The following TMEM237 variants were observed in gnomAD, a reference collection of about 807,000 sequenced individuals.
TMEM237 encodes amyotrophic lateral sclerosis 2 (juvenile) chromosome region, candidate 4.
Under a neutral mutation model 59.1 loss-of-function variants are expected in TMEM237, and 51 were observed. The observed-to-expected ratio is 0.86, with a 90% CI of 0.69 to 1.09. The LOEUF (loss-of-function observed/expected upper bound fraction) is 1.09. Ranked by LOEUF, TMEM237 falls within the 50% of genes least tolerant of loss-of-function variation. TMEM237 has a pLI of 0.00. For synonymous variants in TMEM237, 140 were observed against 166.1 expected (o/e 0.84, Z 1.21); for missense variants, 475 against 478.3 (o/e 0.99, Z 0.06).
chr2:201,630,033 A>C (rs139210405), intron 7 of TMEM237, among the ~76,000 whole-genome samples, 181 bp from the exon 8 acceptor site: 233 of 152,228 alleles, frequency 1.5e-3, no homozygotes, highest in African/African-American at 5.4e-3. Context: ...TTCCTTAAAC[A>C]TAATTTTTCA....
At chr2:201,627,092 A>C (rs1057454144) in intron 11 of TMEM237, among the ~76,000 whole-genome samples, 10 of 152,158 alleles carry the variant, frequency 6.6e-5, no homozygotes, top group Non-Finnish European at 1.0e-4. Context: ...AAAAAAAAAA[A>C]ACTATAACTT....
chr2:201,641,031 GC>G, intron 1 of TMEM237, 107 bp from the exon 2 acceptor site: 1 of 973,350 alleles, frequency 1.0e-6, no homozygotes, highest in Non-Finnish European at 1.5e-6. Flanking sequence ...TTGCTGTGTG[GC>G]CCAGGCTGGA....
At chr2:201,639,391 T>G (rs1301934948) in intron 3 of TMEM237, among the ~76,000 whole-genome samples, 1 of 152,246 alleles carries the variant, frequency 6.6e-6, no homozygotes, top group Non-Finnish European at 1.5e-5. Context: ...CTGTGTCATT[T>G]CAGAGCCAAA....
intron 5 of TMEM237, 103 bp from the exon 6 acceptor site, chr2:201,633,534 G>A: frequency 7.8e-6 from 7 of 902,090 alleles, no homozygotes; most frequent in Admixed American, 4.2e-5. Flanking sequence ...ATTTTAATTG[G>A]GCAAAAATGT....
At chr2:201,642,728 C>T (rs1055382508) in intron 1 of TMEM237, 8 of 1,528,478 alleles carry the variant, frequency 5.2e-6, no homozygotes, top group Non-Finnish European at 6.1e-6. Context: ...CATCGGGCCG[C>T]GCCGCCTGGC....
In TMEM237 at chr2:201,638,728, C is replaced by T. The variant is rs78697231; in HGVS notation, c.136+261G>A. 8.1e-3 allele frequency: 4,019 copies of T among 493,718 alleles called. 31 individuals are homozygous for T. Among genetic ancestry groups the T allele is most frequent in the Non-Finnish European group, 0.011 (3,218 of 279,886 alleles). The allele number at this position is 493,718 out of a possible 1,614,324, so 30.6% of individuals were successfully genotyped here. A position where few individuals can be genotyped will look rare whatever the true frequency, so the allele number is the denominator to read the frequency against. On this transcript the variant is annotated intron_variant, in intron 4 of 12. Coordinates refer to ENST00000409883, the MANE Select transcript of TMEM237 (RefSeq NM_001044385.3). ...CTGGGGATAAAAGACCTTAAAGAGTCCAGGAATATCATGGAAATAGGAGCT... is the reference window on the plus strand; with the variant it reads ...CTGGGGATAAAAGACCTTAAAGAGTTCAGGAATATCATGGAAATAGGAGCT...
intron 6 of TMEM237, among the ~76,000 whole-genome samples, chr2:201,633,059 C>T (rs1273616219): frequency 6.6e-6 from 1 of 151,344 alleles, no homozygotes; most frequent in African/African-American, 2.4e-5. Context: ...TATTTGTGTT[C>T]TTCTTTTTTA....
At position 201,643,490 on chromosome 2, in the gene TMEM237, C is replaced by T. The variant is rs1269200824; in HGVS notation, c.-90G>A. Reference sequence around the variant, plus strand: ...GCAGCGGCCTCCGGGACCTGTGGGACGCCGGGGCTTCGTGGCGCCTGGCGA... The same window carrying T: ...GCAGCGGCCTCCGGGACCTGTGGGATGCCGGGGCTTCGTGGCGCCTGGCGA... On this transcript the variant is annotated 5_prime_UTR_variant, in exon 1 of 13. Transcript: ENST00000409883. This position sits in a 1 kb window ranked among gnomAD's most constrained non-coding sequence, Gnocchi z 4.3. 2 of 1,182,472 alleles carry T rather than the reference C, an allele frequency of 1.7e-6. No homozygotes were observed. Among genetic ancestry groups the T allele is most frequent in the Non-Finnish European group, 1.1e-6 (1 of 913,342 alleles). 73.2% of individuals were successfully genotyped at this position (1,182,472 alleles called of 1,614,324 possible).
At chr2:201,636,981 T>C (rs1687308163) in intron 4 of TMEM237, 96 bp from the exon 5 acceptor site, 5 of 1,245,746 alleles carry the variant, frequency 4.0e-6, no homozygotes, top group Non-Finnish European at 3.3e-6. Flanking sequence ...ATGTTTCCTA[T>C]AGAATAACCC....
At position 201,622,284 on chromosome 2, in the gene TMEM237, TCAC is replaced by T. The variant is rs1474662567; in HGVS notation, c.*1968_*1970del. ...AGCTTTCTATTGCTGCCATAAGCAA[TCAC>T]CACCAATTTAGCAGCTTAGTCAACA... is the stretch of plus-strand genomic sequence containing the variant. On this transcript the variant is annotated 3_prime_UTR_variant, in exon 13 of 13. Transcript: ENST00000409883. 1 of 152,258 alleles carries T rather than the reference TCAC, an allele frequency of 6.6e-6. No individual in the cohort carries two copies. 9.4% of individuals were successfully genotyped at this position (152,258 alleles called of 1,614,324 possible). A position where few individuals can be genotyped will look rare whatever the true frequency, so the allele number is the denominator to read the frequency against.
In TMEM237 at chr2:201,622,357, G is replaced by C. The variant is rs1219990852; in HGVS notation, c.*1898C>G. ...TTCTGTATGTCAAAAGTATGACATG[G>C]GCAGCACCAGGCCAAAACCAAGGTA... On this transcript the variant is annotated 3_prime_UTR_variant, in exon 13 of 13. Coordinates refer to ENST00000409883, the MANE Select transcript of TMEM237 (RefSeq NM_001044385.3). The C allele has an allele frequency of 6.6e-6, 1 of 152,182 alleles. No homozygotes were observed. Among genetic ancestry groups the C allele is most frequent in the Non-Finnish European group, 1.5e-5 (1 of 68,046 alleles). 9.4% of individuals were successfully genotyped at this position (152,182 alleles called of 1,614,324 possible).
intron 12 of TMEM237, among the ~76,000 whole-genome samples, chr2:201,625,133 C>T (rs6435091): frequency 0.42 from 63,134 of 151,898 alleles, 13,586 homozygotes; most frequent in Non-Finnish European, 0.48. Flanking sequence ...GAGGCCGAGG[C>T]GGGCGGATCA....
At position 201,621,637 on chromosome 2, in the gene TMEM237, GAC is replaced by G. The variant is rs1957709125; in HGVS notation, c.*2616_*2617del. On this transcript the variant is annotated 3_prime_UTR_variant, in exon 13 of 13. Transcript: ENST00000409883. ...ATTCAATTTATAACATTATTGAAAT[GAC>G]AGAGTTTTAGAAACTGAGCTCTTTG... 1 of 152,622 alleles carries G rather than the reference GAC, an allele frequency of 6.6e-6. No homozygotes were observed. Among genetic ancestry groups the G allele is most frequent in the South Asian group, 2.1e-4 (1 of 4,828 alleles). The allele number at this position is 152,622 out of a possible 1,614,324, so 9.5% of individuals were successfully genotyped here. A position where few individuals can be genotyped will look rare whatever the true frequency, so the allele number is the denominator to read the frequency against.
At chr2:201,638,856 G>T in intron 4 of TMEM237, 133 bp downstream of exon 4, 1 of 863,348 alleles carries the variant, frequency 1.2e-6, no homozygotes, top group Non-Finnish European at 1.8e-6. Context: ...CTTCAAACTG[G>T]CCTTAATTCT....
At position 201,639,165 on chromosome 2, in the gene TMEM237, G is replaced by C. The variant is rs534801341; in HGVS notation, c.80-120C>G. The C allele has an allele frequency of 8.8e-5, 80 of 909,574 alleles. No individual in the cohort carries two copies. The African/African-American group carries it at 1.2e-3, about 13-fold the overall frequency. 56.3% of individuals were successfully genotyped at this position (909,574 alleles called of 1,614,324 possible). ...CCTCTCTTCCCTGGGCCTGGCAAACGTTTATAGATTAGGGGAAGAAGGCAA... is the reference window on the plus strand; with the variant it reads ...CCTCTCTTCCCTGGGCCTGGCAAACCTTTATAGATTAGGGGAAGAAGGCAA... On this transcript the variant is annotated intron_variant, in intron 3 of 12. Coordinates refer to ENST00000409883, the MANE Select transcript of TMEM237 (RefSeq NM_001044385.3).
intron 1 of TMEM237, among the ~76,000 whole-genome samples, chr2:201,642,293 T>C (rs966517851): frequency 6.6e-6 from 1 of 152,210 alleles, no homozygotes; most frequent in African/African-American, 2.4e-5. Flanking sequence ...GTTTGTCCCA[T>C]TTAGCAATCC....
Position 201,643,274 on chromosome 2 carries a change from G to GGCCCCCCCCCCCCCCC in TMEM237, c.42+84_42+85insGGGGGGGGGGGGGGGC. 5 of 1,206,730 alleles carry GGCCCCCCCCCCCCCCC rather than the reference G, an allele frequency of 4.1e-6. No homozygotes were observed. The highest frequency in any genetic ancestry group is 5.9e-6 in the Non-Finnish European group (5 of 849,296). The allele number at this position is 1,206,730 out of a possible 1,614,324, so 74.8% of individuals were successfully genotyped here. A position where few individuals can be genotyped will look rare whatever the true frequency, so the allele number is the denominator to read the frequency against. On this transcript the variant is annotated intron_variant, in intron 1 of 12. Coordinates refer to ENST00000409883, the MANE Select transcript of TMEM237 (RefSeq NM_001044385.3). The surrounding 1 kb of genome is among the most constrained non-coding windows in gnomAD (Gnocchi z 4.3). ...CCTTAGTGATTCCCAGCTCGTTGGC[G>GGCCCCCCCCCCCCCCC]CCCCCCCACACACACCCACCCCCAC...
At position 201,632,091 on chromosome 2, in the gene TMEM237, G is replaced by A. The variant is rs2105900225; in HGVS notation, c.513C>T (p.Gly171=). ...ATACTTTGCCTACAGGCTGGCTAAT[G>A]CCAGTGGGTGCAGTGAATACAGACT... ...EQQSVFTAPT[G]ISQPVGKVFV... Residue 171 remains glycine, a synonymous_variant, in exon 7 of 13, where the codon GGC becomes GGT. Transcript: ENST00000409883. 1 of 1,613,874 alleles carries A rather than the reference G, an allele frequency of 6.2e-7. No homozygotes were observed. Among genetic ancestry groups the A allele is most frequent in the Non-Finnish European group, 8.5e-7 (1 of 1,179,826 alleles).
chr2:201,629,368 A>C lies in TMEM237; in HGVS notation c.731T>G (p.Ile244Ser). ...GFLAGCAVWN[I>S]VVIYVLAGDQ... ...TCCTGCTAGAACATATATCACAACA[A>C]TATTCCACACAGCACAGCCAGCCAA... The change falls in exon 9 of 13, where the codon ATT becomes AGT. Residue 244 changes from isoleucine to serine, a missense_variant. Physicochemically the swap from Ile to Ser is moderately radical, Grantham distance 142. Transcript: ENST00000409883. 6.2e-7 allele frequency: 1 copy of C among 1,606,762 alleles called. No individual in the cohort carries two copies.
Sources: allele counts gnomAD v4.1 joint callset (sites outside exome capture counted in the v4.1 genomes callset), GRCh38; gene constraint gnomAD v4.1.1; non-coding constraint Gnocchi (gnomAD v3.1); transcripts MANE v1.5; gene names NCBI Gene and HGNC (gene_info 2026-07-23, HGNC 2026-07-21).